SLC22A25: variants seen among roughly 807,000 people sequenced by gnomAD.
The protein encoded by SLC22A25 is MGI:2442751, MGI:2385316, MGI:3042283, MGI:3645714, MGI:3605624, MGI:2442750.
Under a neutral mutation model 45.9 loss-of-function variants are expected in SLC22A25, and 44 were observed. The ratio of observed to expected loss-of-function variants is 0.96; its 90% CI spans 0.75 to 1.23. The LOEUF is 1.23. SLC22A25 is among the 50% of genes most tolerant of loss of function. The probability of loss-of-function intolerance (pLI) is 0.00; values close to 1 mark genes in which losing one functional copy is unlikely to be tolerated. For synonymous variants in SLC22A25, 283 were observed against 238.6 expected, an observed-to-expected ratio of 1.19 and a Z score of -1.72; for missense variants, 800 against 666.4, an observed-to-expected ratio of 1.20 and a Z score of -2.21.
intron 5 of SLC22A25, among the ~76,000 whole-genome samples, chr11:63,220,250 G>A (rs1047789599): frequency 4.6e-5 from 7 of 152,100 alleles, no homozygotes; most frequent in Non-Finnish European, 1.0e-4. Context: ...TTAGAAAAAT[G>A]TCTGCCCCAT....
At position 63,170,113 on chromosome 11, in the gene SLC22A25, C is replaced by A. The variant is rs181703782; in HGVS notation, c.1071-3855G>T. ...ACAGAAATAAAGAAGTTATTTGAAA[C>A]GAATGAGAACAAAGACAAAATGTAT... On this transcript the variant is annotated intron_variant, in intron 9 of 11. Transcript: ENST00000306494. Among the ~76,000 whole-genome samples the A allele has an allele frequency of 1.6e-3, 244 of 152,130 alleles. 3 individuals carry two copies. The highest frequency in any genetic ancestry group is 5.7e-3 in the African/African-American group (238 of 41,506).
intron 9 of SLC22A25, among the ~76,000 whole-genome samples, chr11:63,180,126 C>G (rs1437098759): frequency 1.3e-5 from 2 of 152,128 alleles, no homozygotes; most frequent in Non-Finnish European, 2.9e-5. Flanking sequence ...TGTCTTGTCT[C>G]AGTTTTGAAA....
At chr11:63,204,757 C>G (rs1411240371) in intron 7 of SLC22A25, among the ~76,000 whole-genome samples, 1 of 152,122 alleles carries the variant, frequency 6.6e-6, no homozygotes, top group African/African-American at 2.4e-5. Flanking sequence ...ATCAATGAGA[C>G]AGAAAATTAA....
In SLC22A25 at chr11:63,189,144, G is replaced by T. The variant is rs894436782; in HGVS notation, c.831-5327C>A. Among the ~76,000 whole-genome samples, 4 of 152,266 alleles carry T rather than the reference G, an allele frequency of 2.6e-5. No homozygotes were observed. In the East Asian group the frequency reaches 5.8e-4, roughly 22 times the overall value. ...TGATCTGTCTAATGTTGACAGTGGG[G>T]TGTTAAAGTCTCCCATTATTATTGT... is the stretch of plus-strand genomic sequence containing the variant. On this transcript the variant is annotated intron_variant, in intron 7 of 11. Transcript: ENST00000306494.
chr11:63,159,712 T>C lies in SLC22A25; in HGVS notation c.*4112A>G, dbSNP rs1036230345. Among the ~76,000 whole-genome samples, 1 of 152,154 alleles carries C rather than the reference T, an allele frequency of 6.6e-6. No individual in the cohort carries two copies. Among genetic ancestry groups the C allele is most frequent in the African/African-American group, 2.4e-5 (1 of 41,430 alleles). On this transcript the variant is annotated 3_prime_UTR_variant, in exon 12 of 12. Transcript: ENST00000306494. ...AGCAACTTTGGAACTGGGGCAATAT[T>C]TGGAGGGCTCAGAAGAAGACAGGAA...
intron 9 of SLC22A25, among the ~76,000 whole-genome samples, chr11:63,170,825 T>G (rs1265742304): frequency 1.3e-5 from 2 of 152,092 alleles, no homozygotes; most frequent in African/African-American, 4.8e-5. Flanking sequence ...GAGGCCAGCA[T>G]TATCCTGATA....
At position 63,177,864 on chromosome 11, in the gene SLC22A25, A is replaced by ATATATATATAATGTATATATATAATAT. The variant is rs373414293; in HGVS notation, c.1070+2795_1070+2796insATATTATATATATACATTATATATATA. On this transcript the variant is annotated intron_variant, in intron 9 of 11. Transcript: ENST00000306494. Reference sequence around the variant, plus strand: ...GTATATATATATAATGTATATATATAATATATATAATGTATATATATAATA... The same window carrying ATATATATATAATGTATATATATAATAT: ...GTATATATATATAATGTATATATATATATATATATAATGTATATATATAATATATATATATAATGTATATATATAATA... Among the ~76,000 whole-genome samples, 19 of 31,068 alleles carry ATATATATATAATGTATATATATAATAT rather than the reference A, an allele frequency of 6.1e-4. 1 individual carries two copies. Among genetic ancestry groups the ATATATATATAATGTATATATATAATAT allele is most frequent in the African/African-American group, 2.0e-3 (19 of 9,506 alleles). The allele number at this position is 31,068 out of a possible 152,430, so 20.4% of individuals were successfully genotyped here. A position where few individuals can be genotyped will look rare whatever the true frequency, so the allele number is the denominator to read the frequency against.
rs1289736799 is a variant in SLC22A25, at chr11:63,219,908, C to T, written c.507-2173G>A. ...TTTAAGTGTTACTTTTACTGTCATACATTCAGGGTTTCAGGAGAGATACCA... is the reference window on the plus strand; with the variant it reads ...TTTAAGTGTTACTTTTACTGTCATATATTCAGGGTTTCAGGAGAGATACCA... On this transcript the variant is annotated intron_variant, in intron 5 of 11. Coordinates refer to ENST00000306494, the MANE Select transcript of SLC22A25 (RefSeq NM_199352.6). The T allele has an allele frequency of 7.8e-6, 10 of 1,288,180 alleles. No individual in the cohort carries two copies. In the East Asian group the frequency reaches 5.0e-4, roughly 64 times the overall value. 79.8% of individuals were successfully genotyped at this position (1,288,180 alleles called of 1,614,324 possible).
At chr11:63,169,225 A>G (rs980081991) in intron 9 of SLC22A25, among the ~76,000 whole-genome samples, 2 of 152,152 alleles carry the variant, frequency 1.3e-5, no homozygotes, top group African/African-American at 4.8e-5. Flanking sequence ...ATACCAAAAT[A>G]TAAAGACCAA....
intron 9 of SLC22A25, chr11:63,167,859 C>A: frequency 3.8e-6 from 1 of 259,832 alleles, no homozygotes; most frequent in Non-Finnish European, 7.7e-6. Flanking sequence ...AACACCTGTG[C>A]CTCCTGACTG....
chr11:63,196,794 T>C (rs892664393), intron 7 of SLC22A25, among the ~76,000 whole-genome samples: 12 of 152,212 alleles, frequency 7.9e-5, no homozygotes, highest in Admixed American at 2.6e-4. Flanking sequence ...GGTATTCAAT[T>C]AGGAAAAGAG....
intron 7 of SLC22A25, among the ~76,000 whole-genome samples, chr11:63,185,488 T>C (rs2088495190): frequency 6.6e-6 from 1 of 151,982 alleles, no homozygotes; most frequent in Non-Finnish European, 1.5e-5. Context: ...TATGGCTGCA[T>C]AGTATTCCAT....
chr11:63,230,923 A>T (rs193011802), intron 3 of SLC22A25, among the ~76,000 whole-genome samples: 45 of 152,200 alleles, frequency 3.0e-4, no homozygotes, highest in African/African-American at 1.1e-3. Context: ...TCCTTGAGAT[A>T]GTTGGTTGAG....
At chr11:63,230,995 G>C (rs1257312985) in intron 3 of SLC22A25, among the ~76,000 whole-genome samples, 1 of 152,090 alleles carries the variant, frequency 6.6e-6, no homozygotes, top group African/African-American at 2.4e-5. Flanking sequence ...ATTTTTTATG[G>C]CTGTATAGTA....
chr11:63,217,634 C>A lies in SLC22A25; in HGVS notation c.608G>T (p.Arg203Leu), dbSNP rs201958778. Residue 203 changes from arginine to leucine, a missense_variant, in exon 6 of 12, where the codon CGC becomes CTC. Physicochemically the swap from Arg to Leu is moderately radical, Grantham distance 102. Transcript: ENST00000306494. ...APTILVYCSL[R>L]FLAGAATFSI... ...AAATGTAGCAGCCCCAGCCAAGAAG[C>A]GCAGGGAGCAGTATACGAGGATGGT... is the stretch of plus-strand genomic sequence containing the variant. 1 of 1,613,886 alleles carries A rather than the reference C, an allele frequency of 6.2e-7. No homozygotes were observed. The highest frequency in any genetic ancestry group is 8.5e-7 in the Non-Finnish European group (1 of 1,179,994).
chr11:63,166,289 A>G (rs2087682037), intron 9 of SLC22A25, 31 bp from the exon 10 acceptor site: 4 of 1,610,590 alleles, frequency 2.5e-6, no homozygotes, highest in South Asian at 1.1e-5. Context: ...GGCACATATT[A>G]TAATCTGTGG....
At chr11:63,190,057 T>C (rs3968362) in intron 7 of SLC22A25, among the ~76,000 whole-genome samples, 150,271 of 152,182 alleles carry the variant, frequency 0.99, 74,231 homozygotes, top group Middle Eastern at 1. Flanking sequence ...ATCTTTGTGG[T>C]GTTCTCTGTA....
rs745324549 is a variant in SLC22A25 at position 63,163,774 on chromosome 11, T to C, written c.*50A>G. ...ATGGGAATAGCCCAGATCTAAGCCT[T>C]TTTGGGGGATGGTAGCCCTAAATGG... is the stretch of plus-strand genomic sequence containing the variant. On this transcript the variant is annotated 3_prime_UTR_variant, in exon 12 of 12. Transcript: ENST00000306494. 6.4e-7 allele frequency: 1 copy of C among 1,561,606 alleles called. No homozygotes were observed. Among genetic ancestry groups the C allele is most frequent in the Non-Finnish European group, 8.6e-7 (1 of 1,156,472 alleles).
rs561150336 is a variant in SLC22A25, at chr11:63,163,153, G to A, written c.*671C>T. 1.3e-5 allele frequency among the ~76,000 whole-genome samples: 2 copies of A among 152,290 alleles called. No homozygotes were observed. The highest frequency in any genetic ancestry group is 3.9e-4 in the East Asian group (2 of 5,186). ...GTAAAAAACCAAGCTCCCAGCCTAG[G>A]ATCTGGGAAGGCAGCTTGAATAGCT... On this transcript the variant is annotated 3_prime_UTR_variant, in exon 12 of 12. Transcript: ENST00000306494.
Sources: gnomAD v4.1 joint callset for allele counts (sites outside exome capture counted in the v4.1 genomes callset) on GRCh38, gnomAD v4.1.1 for gene constraint, MANE v1.5 for transcripts, NCBI Gene and HGNC (gene_info 2026-07-23, HGNC 2026-07-21) for gene names.